The following PUDP variants were observed in gnomAD, a reference collection of about 807,000 sequenced individuals.
The protein encoded by PUDP is pseudouridine-5'-phosphatase.
PUDP carries 8 observed loss-of-function variants against 9.4 expected under a neutral mutation model. That is an observed-to-expected ratio of 0.85 (90% CI 0.50 to 1.53). The LOEUF (loss-of-function observed/expected upper bound fraction) is 1.53. PUDP is among the 40% of genes most tolerant of loss of function. The pLI is 0.00. For synonymous variants in PUDP, 99 were observed against 80.7 expected (o/e 1.23, Z -1.22); for missense variants, 188 against 189.7 (o/e 0.99, Z 0.05).
chrX:6,846,921 C>T (rs1198751467), intron 3 of PUDP, among the ~76,000 whole-genome samples: 1 of 110,768 alleles, frequency 9.0e-6, no homozygotes, highest in African/African-American at 3.3e-5. Flanking sequence ...CCTAGTTTCA[C>T]CAAATAATTA....
chrX:6,769,011 A>G (rs1311004275), intron 3 of PUDP, among the ~76,000 whole-genome samples: 1 of 112,029 alleles, frequency 8.9e-6, no homozygotes, highest in East Asian at 2.8e-4. Flanking sequence ...CATTTTGTAC[A>G]TAGAGAAGGC....
intron 1 of PUDP, among the ~76,000 whole-genome samples, chrX:7,144,526 T>C: frequency 9.0e-6 from 1 of 111,641 alleles, no homozygotes; most frequent in East Asian, 2.8e-4. Context: ...CCATCAGTAC[T>C]GGGCTTGGTA....
chrX:7,026,473 C>G (rs1929711805), intron 1 of PUDP, among the ~76,000 whole-genome samples: 1 of 112,048 alleles, frequency 8.9e-6, no homozygotes, highest in African/African-American at 3.2e-5. Context: ...GACAGTGTGC[C>G]AGATATCCAG....
intron 3 of PUDP, among the ~76,000 whole-genome samples, chrX:6,858,897 C>G (rs986760881): frequency 9.0e-6 from 1 of 111,670 alleles, no homozygotes; most frequent in Non-Finnish European, 1.9e-5. Context: ...GGGGTTGCAA[C>G]AGAATAATAC....
chrX:6,945,662 A>C (rs1333999283), intron 3 of PUDP, among the ~76,000 whole-genome samples: 2 of 111,249 alleles, frequency 1.8e-5, no homozygotes, highest in Non-Finnish European at 3.8e-5. Flanking sequence ...GTTTTCAGGA[A>C]AGCACCAGTA....
intron 3 of PUDP, among the ~76,000 whole-genome samples, chrX:6,786,065 G>A (rs1306450953): frequency 1.8e-5 from 2 of 111,539 alleles, no homozygotes; most frequent in East Asian, 2.8e-4. Flanking sequence ...AATACTCAAT[G>A]TGCTGTTCTC....
intron 3 of PUDP, among the ~76,000 whole-genome samples, chrX:6,791,285 G>T (rs760233244): frequency 1.6e-4 from 15 of 95,767 alleles, no homozygotes; most frequent in African/African-American, 6.0e-4. Context: ...AGCCAGGGAG[G>T]TTGAGTCTAG....
chrX:6,868,170 G>T (rs1448065566), intron 3 of PUDP, among the ~76,000 whole-genome samples: 3 of 111,510 alleles, frequency 2.7e-5, no homozygotes, highest in Non-Finnish European at 5.7e-5. Flanking sequence ...TGTGGAGTTG[G>T]GCAACAAACA....
chrX:6,958,449 C>T (rs1457837704), intron 3 of PUDP, among the ~76,000 whole-genome samples: 2 of 111,638 alleles, frequency 1.8e-5, no homozygotes, highest in Non-Finnish European at 3.8e-5. Context: ...TTAGCACAGG[C>T]CTTTGAATAA....
At chrX:6,966,687 A>G (rs1449818787) in intron 3 of PUDP, among the ~76,000 whole-genome samples, 1 of 110,090 alleles carries the variant, frequency 9.1e-6, no homozygotes, top group African/African-American at 3.3e-5. Context: ...CGTTGGGACT[A>G]CAGGTGTGCA....
At chrX:6,777,824 T>A (rs1298982458) in intron 3 of PUDP, among the ~76,000 whole-genome samples, 1 of 111,770 alleles carries the variant, frequency 8.9e-6, no homozygotes, top group African/African-American at 3.2e-5. Context: ...CATGGAAACT[T>A]TAAATAGAAA....
intron 3 of PUDP, among the ~76,000 whole-genome samples, chrX:6,944,425 T>C (rs1001847752): frequency 1.8e-5 from 2 of 111,059 alleles, no homozygotes; most frequent in African/African-American, 6.5e-5. Context: ...TCCACATTAT[T>C]TGAAAAACAT....
chrX:6,753,320 G>A (rs776595284), intron 3 of PUDP, among the ~76,000 whole-genome samples: 1 of 112,615 alleles, frequency 8.9e-6, no homozygotes, highest in Admixed American at 9.4e-5. Context: ...TTTTATGGCT[G>A]AGTAGTATTC....
At chrX:6,829,213 A>G (rs1240043531) in intron 3 of PUDP, among the ~76,000 whole-genome samples, 1 of 111,403 alleles carries the variant, frequency 9.0e-6, no homozygotes, top group Non-Finnish European at 1.9e-5. Flanking sequence ...AATGCCAGCA[A>G]ATCTATGAGT....
At chrX:7,056,855 G>A (rs1390601191) in intron 3 of PUDP, among the ~76,000 whole-genome samples, 4 of 112,261 alleles carry the variant, frequency 3.6e-5, no homozygotes, top group South Asian at 7.5e-4. Context: ...GCAGTCAGGC[G>A]GAAGACAGAA....
At chrX:7,085,983 T>C (rs1931251441) in intron 2 of PUDP, among the ~76,000 whole-genome samples, 1 of 112,116 alleles carries the variant, frequency 8.9e-6, no homozygotes, top group African/African-American at 3.2e-5. Flanking sequence ...CAAGCCTCTG[T>C]GGAAGGGCAG....
chrX:6,910,529 G>A (rs1272249803), intron 3 of PUDP, among the ~76,000 whole-genome samples: 2 of 111,866 alleles, frequency 1.8e-5, no homozygotes, highest in African/African-American at 6.5e-5. Flanking sequence ...CATCCTGCAA[G>A]GAGCTAGGAC....
chrX:6,840,509 CTA>C (rs1347959462), intron 3 of PUDP, among the ~76,000 whole-genome samples: 1 of 112,278 alleles, frequency 8.9e-6, no homozygotes, highest in Non-Finnish European at 1.9e-5. Flanking sequence ...AGGCTACATA[CTA>C]TATGATTTCA....
chrX:6,988,091 C>T (rs1929126901), intron 1 of PUDP, among the ~76,000 whole-genome samples: 1 of 111,840 alleles, frequency 8.9e-6, no homozygotes, highest in Admixed American at 9.5e-5. Flanking sequence ...GAAAAATGTC[C>T]TAGGGCAACC....
Sources: gnomAD v4.1 joint callset for allele counts (sites outside exome capture counted in the v4.1 genomes callset) on GRCh38, gnomAD v4.1.1 for gene constraint, MANE v1.5 for transcripts, NCBI Gene and HGNC (gene_info 2026-07-23, HGNC 2026-07-21) for gene names.